KLHDC4: variants seen among roughly 807,000 people sequenced by gnomAD.
The protein encoded by KLHDC4 is kelch domain containing 4.
A neutral mutation model predicts 62.4 loss-of-function variants in KLHDC4; 90 were observed. The ratio of observed to expected loss-of-function variants is 1.44; its 90% CI spans 1.22 to 1.72. KLHDC4 has a LOEUF of 1.72. Among genes scored for constraint, KLHDC4 ranks in the 40% most tolerant of loss-of-function variants. KLHDC4 has a pLI of 0.00. For synonymous variants in KLHDC4, 386 were observed against 284.4 expected, an observed-to-expected ratio of 1.36 and a Z score of -3.59; for missense variants, 1,025 against 699.7, an observed-to-expected ratio of 1.47 and a Z score of -5.25.
chr16:87,759,336 G>A (rs929447949), intron 2 of KLHDC4, among the ~76,000 whole-genome samples: 2 of 150,336 alleles, frequency 1.3e-5, no homozygotes, highest in African/African-American at 2.5e-5. Context: ...GGAATTTGAG[G>A]CCAGCCTGAC....
chr16:87,759,775 C>G (rs891038120), intron 2 of KLHDC4, among the ~76,000 whole-genome samples: 31 of 152,304 alleles, frequency 2.0e-4, no homozygotes, highest in African/African-American at 7.2e-4. Context: ...CCAAATTCCT[C>G]TGACCCTGAA....
At chr16:87,749,303 C>T (rs2043529049) in intron 4 of KLHDC4, among the ~76,000 whole-genome samples, 1 of 152,046 alleles carries the variant, frequency 6.6e-6, no homozygotes, top group African/African-American at 2.4e-5. Flanking sequence ...CACCTGTAAT[C>T]CCAGCACTTC....
chr16:87,702,690 C>T (rs2034205356), upstream of KLHDC4: 1 of 213,312 alleles, frequency 4.7e-6, no homozygotes, highest in Non-Finnish European at 9.6e-6. Context: ...GAAGAGGCAC[C>T]CTCGCTCCAG....
In KLHDC4 at chr16:87,755,188, C is replaced by T. The variant is rs1417684205; in HGVS notation, c.369+6G>A. The T allele has an allele frequency of 2.5e-6, 4 of 1,595,928 alleles. No homozygotes were observed. The highest frequency in any genetic ancestry group is 3.4e-6 in the Non-Finnish European group (4 of 1,163,774). On this transcript the variant is annotated splice_donor_region_variant and intron_variant, in intron 4 of 11. Transcript: ENST00000270583. The stretch of plus-strand genomic sequence containing the variant: ...GAGGGTGGCTGAGAGTCAGTGCTGA[C>T]ATTACCTGGTGAGCACAGCGCCTCG...
Position 87,708,410 on chromosome 16 carries a change from C to A in KLHDC4, c.1504G>T (p.Gly502Cys). The A allele has an allele frequency of 6.2e-7, 1 of 1,612,162 alleles. No homozygotes were observed. The highest frequency in any genetic ancestry group is 8.5e-7 in the Non-Finnish European group (1 of 1,179,626). ...TCGTCGTCGACCCCACCCTCGGCGC[C>A]CTCAACCTCCTCACTGTCCTCTTCC... ...DSEEDSEEVE[G>C]AEGGVDDEDS... Residue 502 changes from glycine to cysteine, a missense_variant, in exon 11 of 12, where the codon GGC becomes TGC. Physicochemically the swap from Gly to Cys is radical, Grantham distance 159 (BLOSUM62 -3). Coordinates refer to ENST00000270583, the MANE Select transcript of KLHDC4 (RefSeq NM_017566.4).
chr16:87,743,726 C>T (rs569256045), intron 5 of KLHDC4, among the ~76,000 whole-genome samples: 5 of 151,540 alleles, frequency 3.3e-5, no homozygotes, highest in African/African-American at 9.7e-5. Flanking sequence ...GGAGACAGAG[C>T]GCGACACCGC....
exon 1 of KLHDC4, chr16:87,702,528 TC>T (rs2034192976): frequency 8.4e-6 from 3 of 355,064 alleles, no homozygotes; most frequent in Non-Finnish European, 1.7e-5. Flanking sequence ...CGTGGCCTCC[TC>T]GGGGGCAGGC....
chr16:87,755,536 G>A (rs573005491), intron 3 of KLHDC4: 13 of 335,538 alleles, frequency 3.9e-5, no homozygotes, highest in Admixed American at 1.8e-4. Flanking sequence ...TTGTTATTAG[G>A]ACTGGTCATT....
rs986878876 is a variant in KLHDC4 at position 87,711,035 on chromosome 16, G to A, written c.1044+200C>T. On this transcript the variant is annotated intron_variant, in intron 9 of 11. Coordinates refer to ENST00000270583, the MANE Select transcript of KLHDC4 (RefSeq NM_017566.4). ...AGGTAGCAGCCCCGCCAGCATCCAGGACAGACTAAGGGGACCGTGACCAAG... is the reference window on the plus strand; with the variant it reads ...AGGTAGCAGCCCCGCCAGCATCCAGAACAGACTAAGGGGACCGTGACCAAG... The A allele has an allele frequency of 4.9e-5, 29 of 591,828 alleles. 1 individual carries two copies. In the South Asian group the frequency reaches 5.5e-4, roughly 11 times the overall value. 36.7% of individuals were successfully genotyped at this position (591,828 alleles called of 1,614,324 possible).
chr16:87,707,145 C>G (rs977540790), downstream of KLHDC4, among the ~76,000 whole-genome samples: 1 of 152,254 alleles, frequency 6.6e-6, no homozygotes, highest in African/African-American at 2.4e-5. Flanking sequence ...CCCAATTATG[C>G]AAATCCGAAT....
At chr16:87,743,901 G>C (rs1192195395) in intron 5 of KLHDC4, among the ~76,000 whole-genome samples, 1 of 152,124 alleles carries the variant, frequency 6.6e-6, no homozygotes, top group African/African-American at 2.4e-5. Flanking sequence ...CGATGGGGAG[G>C]AATGAGGGGT....
intron 7 of KLHDC4, among the ~76,000 whole-genome samples, chr16:87,724,170 AAGTG>A (rs925819086): frequency 5.9e-5 from 9 of 152,212 alleles, no homozygotes; most frequent in African/African-American, 2.2e-4. Context: ...CTGCTGAGAC[AAGTG>A]AGTATCTACA....
At chr16:87,750,721 G>A (rs578133331) in intron 4 of KLHDC4, among the ~76,000 whole-genome samples, 10 of 152,188 alleles carry the variant, frequency 6.6e-5, no homozygotes, top group Non-Finnish European at 8.8e-5. Flanking sequence ...ACATAGAAAC[G>A]GCCACAGTGC....
intron 5 of KLHDC4, chr16:87,739,994 G>C (rs1193226774): frequency 6.6e-6 from 1 of 152,220 alleles, no homozygotes; most frequent in African/African-American, 2.4e-5. Context: ...ACATCTCAGA[G>C]AAAGCTGTTA....
At chr16:87,745,749 G>C (rs1475175196) in intron 5 of KLHDC4, among the ~76,000 whole-genome samples, 2 of 152,148 alleles carry the variant, frequency 1.3e-5, no homozygotes, top group African/African-American at 4.8e-5. Flanking sequence ...GTGTTTATGA[G>C]GGCAAGGGCT....
chr16:87,701,597 G>C (rs1464984999), exon 1 of KLHDC4: 1 of 424,110 alleles, frequency 2.4e-6, no homozygotes, highest in South Asian at 1.7e-5. Context: ...TGGGTTTCTG[G>C]GGTCGGCAGA....
At chr16:87,702,147 G>C (rs929581406) in exon 1 of KLHDC4, 2 of 456,292 alleles carry the variant, frequency 4.4e-6, no homozygotes, top group South Asian at 3.1e-5. Flanking sequence ...CAGACCGGGA[G>C]ATTCCAGCAG....
At chr16:87,737,754 A>G (rs913684112) in intron 5 of KLHDC4, among the ~76,000 whole-genome samples, 4 of 151,968 alleles carry the variant, frequency 2.6e-5, no homozygotes, top group African/African-American at 9.7e-5. Context: ...TGCCTGGCTA[A>G]TATTTTTCTG....
At chr16:87,709,084 G>GC (rs34545277) in intron 10 of KLHDC4, among the ~76,000 whole-genome samples, 181 bp downstream of exon 10, 7 of 152,268 alleles carry the variant, frequency 4.6e-5, no homozygotes, top group Admixed American at 1.3e-4. Context: ...CCCAGGGTGG[G>GC]CCCCCCTTTC....
Sources: gnomAD v4.1 joint callset for allele counts (sites outside exome capture counted in the v4.1 genomes callset) on GRCh38, gnomAD v4.1.1 for gene constraint, MANE v1.5 for transcripts, NCBI Gene and HGNC (gene_info 2026-07-23, HGNC 2026-07-21) for gene names.